The following EVL variants were observed in gnomAD, a reference collection of about 807,000 sequenced individuals.
The protein encoded by EVL is Enah/Vasp-like, also known as ena/VASP-like protein.
In EVL, 21 loss-of-function variants were observed where a neutral mutation model predicts 59.6. The observed-to-expected ratio is 0.35, with a 90% confidence interval of 0.25 to 0.51. EVL has a LOEUF of 0.51. Ranked by LOEUF, EVL falls within the 20% of genes least tolerant of loss-of-function variation. The probability of loss-of-function intolerance (pLI) is 0.97; values close to 1 mark genes in which losing one functional copy is unlikely to be tolerated. For missense variants in EVL, 462 were observed against 546.6 expected (o/e 0.85, Z 1.54); for synonymous variants, 198 against 203.5 (o/e 0.97, Z 0.23).
At chr14:100,002,001 GAAAC>G (rs1370618975) in intron 1 of EVL, among the ~76,000 whole-genome samples, 1 of 152,112 alleles carries the variant, frequency 6.6e-6, no homozygotes, top group Non-Finnish European at 1.5e-5. Flanking sequence ...CAAGTAGAGA[GAAAC>G]AAATATCCTC....
chr14:100,011,640 C>T (rs902635232), intron 1 of EVL, among the ~76,000 whole-genome samples: 4 of 150,924 alleles, frequency 2.7e-5, no homozygotes, highest in Non-Finnish European at 4.4e-5. Context: ...TAGACTATTG[C>T]CCAAGAGTAA....
At chr14:99,992,174 G>A (rs1280425458) in intron 1 of EVL, among the ~76,000 whole-genome samples, 1 of 152,004 alleles carries the variant, frequency 6.6e-6, no homozygotes, top group Non-Finnish European at 1.5e-5. Flanking sequence ...ATCTCATTGT[G>A]GTTTTGATTT....
chr14:100,142,246 G>A (rs1889220810), intron 13 of EVL: 1 of 151,346 alleles, frequency 6.6e-6, no homozygotes, highest in African/African-American at 2.6e-5. Context: ...GGAAGACCAA[G>A]GTCTACAGAA....
At chr14:100,038,205 T>C (rs1305383372) in intron 1 of EVL, among the ~76,000 whole-genome samples, 1 of 152,176 alleles carries the variant, frequency 6.6e-6, no homozygotes. Flanking sequence ...ACGTTGGCCA[T>C]GTCTATAGAA....
chr14:99,973,486 G>A (rs1397070326), intron 1 of EVL, among the ~76,000 whole-genome samples: 4 of 152,108 alleles, frequency 2.6e-5, no homozygotes, highest in Admixed American at 2.0e-4. Flanking sequence ...GTTTTGAGAC[G>A]GAGTCTCGCT....
chr14:100,053,644 TTTAATG>T (rs1220143799), intron 1 of EVL, among the ~76,000 whole-genome samples: 7 of 152,210 alleles, frequency 4.6e-5, no homozygotes, highest in African/African-American at 1.7e-4. Context: ...AGATTTTTGT[TTTAATG>T]TGAATGTACT....
rs1291845565 is a variant in EVL at position 100,036,227 on chromosome 14, A to G, written c.6-48460A>G. 5.3e-5 allele frequency among the ~76,000 whole-genome samples: 8 copies of G among 152,196 alleles called. No homozygotes were observed. The East Asian group carries it at 1.5e-3, about 29-fold the overall frequency. On this transcript the variant is annotated intron_variant, in intron 1 of 13. Transcript: ENST00000402714. ...ATCTGAGGTGGGACAGTTTTGTCCCAAAACCATCCCCCGATCCCACCCCAG... is the reference window on the plus strand; with the variant it reads ...ATCTGAGGTGGGACAGTTTTGTCCCGAAACCATCCCCCGATCCCACCCCAG...
chr14:99,984,894 G>A (rs1455424907), intron 1 of EVL, among the ~76,000 whole-genome samples: 2 of 152,128 alleles, frequency 1.3e-5, no homozygotes, highest in Non-Finnish European at 2.9e-5. Flanking sequence ...GGTATTACAG[G>A]CATAAGCCAC....
intron 1 of EVL, among the ~76,000 whole-genome samples, chr14:100,067,195 G>A (rs149469188): frequency 2.3e-4 from 35 of 152,340 alleles, no homozygotes; most frequent in East Asian, 9.6e-4. Flanking sequence ...AGCAGCGTTC[G>A]TGGAGCTGCA....
chr14:100,008,209 G>T (rs903654620), intron 1 of EVL, among the ~76,000 whole-genome samples: 19 of 152,146 alleles, frequency 1.2e-4, no homozygotes, highest in African/African-American at 4.6e-4. Flanking sequence ...TAATTCTGGG[G>T]CGGGATCTGA....
At chr14:100,102,155 A>G in intron 3 of EVL, 1 of 420,688 alleles carries the variant, frequency 2.4e-6, no homozygotes, top group Non-Finnish European at 4.8e-6. Flanking sequence ...ATTTTTCCTT[A>G]CTGGTAAGGG....
intron 3 of EVL, among the ~76,000 whole-genome samples, chr14:100,105,695 G>A (rs1886517710): frequency 6.6e-6 from 1 of 151,898 alleles, no homozygotes; most frequent in African/African-American, 2.4e-5. Context: ...GGTTATCCGT[G>A]GCATGTCTGT....
At chr14:100,110,684 C>T (rs1286149957) in intron 3 of EVL, among the ~76,000 whole-genome samples, 3 of 152,114 alleles carry the variant, frequency 2.0e-5, no homozygotes, top group African/African-American at 7.2e-5. Flanking sequence ...TCACGGGTGC[C>T]CCTAATTTCA....
At chr14:100,080,908 A>G (rs547552851) in intron 1 of EVL, among the ~76,000 whole-genome samples, 2 of 152,376 alleles carry the variant, frequency 1.3e-5, no homozygotes, top group African/African-American at 4.8e-5. Flanking sequence ...ATGAAATTTC[A>G]TATGTATATG....
chr14:100,020,404 G>A (rs1473325843), intron 1 of EVL, among the ~76,000 whole-genome samples: 1 of 152,064 alleles, frequency 6.6e-6, no homozygotes, highest in African/African-American at 2.4e-5. Context: ...AGGCGGAATG[G>A]GAGGGTCATC....
intron 6 of EVL, 122 bp from the exon 7 acceptor site, chr14:100,129,439 GCC>G (rs1157673625): frequency 2.4e-5 from 33 of 1,389,542 alleles, no homozygotes; most frequent in Middle Eastern, 1.9e-4. Flanking sequence ...GGCCCCTGAG[GCC>G]CCTTGCAGTG....
chr14:100,016,142 A>G (rs1467109995), intron 1 of EVL, among the ~76,000 whole-genome samples: 1 of 152,066 alleles, frequency 6.6e-6, no homozygotes, highest in Non-Finnish European at 1.5e-5. Flanking sequence ...CTATTCTTTC[A>G]TGGTACAAAG....
chr14:100,061,684 G>A (rs2061837789), upstream of EVL, among the ~76,000 whole-genome samples: 1 of 152,014 alleles, frequency 6.6e-6, no homozygotes, highest in Admixed American at 6.6e-5. Flanking sequence ...GCTATTAAGA[G>A]CCTGTTGTTG....
intron 1 of EVL, among the ~76,000 whole-genome samples, chr14:100,023,337 TG>T (rs1306653692): frequency 6.6e-6 from 1 of 150,628 alleles, no homozygotes; most frequent in Non-Finnish European, 1.5e-5. Context: ...CCTGAGCAGC[TG>T]GGATTACAAG....
Sources: allele counts gnomAD v4.1 joint callset (sites outside exome capture counted in the v4.1 genomes callset), GRCh38; gene constraint gnomAD v4.1.1; transcripts MANE v1.5; gene names NCBI Gene and HGNC (gene_info 2026-07-23, HGNC 2026-07-21).